Variants in CPQ observed in about 807,000 individuals in gnomAD.
CPQ encodes the protein carboxypeptidase Q.
A neutral mutation model predicts 45.7 loss-of-function variants in CPQ; 37 were observed. The ratio of observed to expected loss-of-function variants is 0.81; its 90% CI spans 0.62 to 1.07. The LOEUF is 1.07. Among genes scored for constraint, CPQ ranks in the 50% least tolerant of loss-of-function variants. CPQ has a pLI of 0.00. For synonymous variants in CPQ, 186 were observed against 205.8 expected, an observed-to-expected ratio of 0.90 and a Z score of 0.82; for missense variants, 537 against 572.9, an observed-to-expected ratio of 0.94 and a Z score of 0.64.
In CPQ at chr8:96,708,247, G is replaced by A. The variant is rs143772890; in HGVS notation, c.-35+62845G>A. ...GAGCACACCTTGATAATCCAAGATA[G>A]TCTCCTTATTTTAAAGTCAGCTGAC... On this transcript the variant is annotated intron_variant, in intron 1 of 7. Coordinates refer to ENST00000220763, the MANE Select transcript of CPQ (RefSeq NM_016134.4). Among the ~76,000 whole-genome samples the A allele has an allele frequency of 2.9e-3, 445 of 152,062 alleles. 4 individuals carry two copies. Among genetic ancestry groups the A allele is most frequent in the African/African-American group, 1.0e-2 (414 of 41,498 alleles).
At chr8:96,899,665 A>C (rs1484816879) in intron 4 of CPQ, among the ~76,000 whole-genome samples, 1 of 147,362 alleles carries the variant, frequency 6.8e-6, no homozygotes, top group African/African-American at 2.4e-5. Context: ...AAACTCACTC[A>C]CTATTGCAAA....
intron 1 of CPQ, among the ~76,000 whole-genome samples, chr8:96,673,451 C>A (rs1027777207): frequency 2.0e-5 from 3 of 152,052 alleles, no homozygotes; most frequent in Non-Finnish European, 4.4e-5. Flanking sequence ...GAAGACTAGG[C>A]CTGTGACCAG....
chr8:96,758,605 ATACATAATAGCC>A (rs1176215931), intron 1 of CPQ, among the ~76,000 whole-genome samples: 1 of 152,214 alleles, frequency 6.6e-6, no homozygotes, highest in Non-Finnish European at 1.5e-5. Flanking sequence ...AGGCCCTATC[ATACATAATAGCC>A]TGCTGCCTGC....
intron 2 of CPQ, among the ~76,000 whole-genome samples, chr8:96,821,017 A>G (rs1468500549): frequency 1.3e-5 from 2 of 150,118 alleles, no homozygotes; most frequent in Non-Finnish European, 3.0e-5. Flanking sequence ...TTTCATTTGC[A>G]TTTCTCTGAT....
Position 97,140,789 on chromosome 8 carries a change from G to T in CPQ, c.1256-2231G>T, listed in dbSNP as rs79730166. 8.1e-3 allele frequency among the ~76,000 whole-genome samples: 1,233 copies of T among 152,114 alleles called. 15 individuals carry two copies. The highest frequency in any genetic ancestry group is 0.028 in the African/African-American group (1,147 of 41,550). On this transcript the variant is annotated intron_variant, in intron 7 of 7. Transcript: ENST00000220763. ...GAAGGAAGAGAAAGTGAGGGAATTTGCCCTAACAGATATCAAGGATTCTAA... is the reference window on the plus strand; with the variant it reads ...GAAGGAAGAGAAAGTGAGGGAATTTTCCCTAACAGATATCAAGGATTCTAA...
intron 2 of CPQ, among the ~76,000 whole-genome samples, chr8:96,818,592 C>A (rs908818230): frequency 6.6e-6 from 1 of 152,022 alleles, no homozygotes; most frequent in Non-Finnish European, 1.5e-5. Context: ...TATTTGGGGA[C>A]CTGACTACCC....
chr8:97,098,110 TAG>T (rs1811240174), intron 7 of CPQ, among the ~76,000 whole-genome samples: 1 of 152,200 alleles, frequency 6.6e-6, no homozygotes, highest in Non-Finnish European at 1.5e-5. Flanking sequence ...GAGGGCCTCC[TAG>T]TAGATTGATG....
At chr8:96,687,733 T>C (rs1174268707) in intron 1 of CPQ, among the ~76,000 whole-genome samples, 1 of 152,180 alleles carries the variant, frequency 6.6e-6, no homozygotes, top group Non-Finnish European at 1.5e-5. Context: ...TGATTTTATA[T>C]TTGATGCAAA....
intron 1 of CPQ, among the ~76,000 whole-genome samples, chr8:96,757,090 C>T (rs1413812897): frequency 1.3e-5 from 2 of 151,944 alleles, no homozygotes; most frequent in Admixed American, 6.6e-5. Context: ...TGACTCATGG[C>T]GTAATACCAG....
chr8:96,911,574 A>G (rs1446397209), intron 4 of CPQ, among the ~76,000 whole-genome samples: 1 of 152,182 alleles, frequency 6.6e-6, no homozygotes, highest in Admixed American at 6.5e-5. Context: ...AGTTTTACTT[A>G]CATCCTGTTT....
chr8:96,736,051 AG>A (rs1193887134), intron 1 of CPQ, among the ~76,000 whole-genome samples: 4 of 151,882 alleles, frequency 2.6e-5, no homozygotes, highest in Non-Finnish European at 1.5e-5. Context: ...GACTCAACAC[AG>A]GGCTACAGGT....
At chr8:96,762,300 T>C (rs1356882382) in intron 1 of CPQ, among the ~76,000 whole-genome samples, 2 of 152,210 alleles carry the variant, frequency 1.3e-5, no homozygotes, top group Admixed American at 1.3e-4. Context: ...GATTTGGATG[T>C]CAAAACTGGG....
chr8:96,667,625 A>C (rs1313063540), intron 1 of CPQ, among the ~76,000 whole-genome samples: 2 of 152,106 alleles, frequency 1.3e-5, no homozygotes, highest in Non-Finnish European at 2.9e-5. Context: ...CTAGGATTAC[A>C]GGTGTGAGCC....
At chr8:96,671,327 T>A (rs1385993687) in intron 1 of CPQ, among the ~76,000 whole-genome samples, 1 of 152,224 alleles carries the variant, frequency 6.6e-6, no homozygotes, top group Non-Finnish European at 1.5e-5. Flanking sequence ...AGCGTGTGTG[T>A]GTGTAAAGCA....
intron 1 of CPQ, among the ~76,000 whole-genome samples, chr8:96,685,666 G>A (rs1217021701): frequency 2.6e-5 from 4 of 151,994 alleles, no homozygotes; most frequent in South Asian, 4.2e-4. Context: ...TGCTAATCCC[G>A]ATCATTTGTG....
At chr8:96,834,554 C>CAAAATAGTTATATAAAAAGATT (rs1268280686) in intron 2 of CPQ, among the ~76,000 whole-genome samples, 1 of 152,080 alleles carries the variant, frequency 6.6e-6, no homozygotes, top group African/African-American at 2.4e-5. Flanking sequence ...AGCAACATAT[C>CAAAATAGTTATATAAAAAGATT]AAAATAGTTA....
At position 96,799,944 on chromosome 8, in the gene CPQ, G is replaced by A. The variant is rs145074576; in HGVS notation, c.433+14614G>A. 7.2e-5 allele frequency among the ~76,000 whole-genome samples: 11 copies of A among 152,188 alleles called. No homozygotes were observed. The East Asian group carries it at 1.4e-3, about 19-fold the overall frequency. On this transcript the variant is annotated intron_variant, in intron 2 of 7. Transcript: ENST00000220763. ...CTCTTGACTGTTTCTGTAAGAATAAGCACACCTATCTCCTATGCACACAAA... is the reference window on the plus strand; with the variant it reads ...CTCTTGACTGTTTCTGTAAGAATAAACACACCTATCTCCTATGCACACAAA...
intron 5 of CPQ, among the ~76,000 whole-genome samples, chr8:96,982,499 C>T (rs538755898): frequency 1.1e-4 from 17 of 152,120 alleles, no homozygotes; most frequent in African/African-American, 3.1e-4. Flanking sequence ...CCACCATACC[C>T]GGCTAATTAT....
chr8:96,908,747 G>GCGCGCGCACACA (rs149476038), intron 4 of CPQ, among the ~76,000 whole-genome samples: 9 of 141,016 alleles, frequency 6.4e-5, no homozygotes, highest in African/African-American at 2.3e-4. Context: ...ATACACATGC[G>GCGCGCGCACACA]CACACACACA....
Sources: gnomAD v4.1 joint callset for allele counts (sites outside exome capture counted in the v4.1 genomes callset) on GRCh38, gnomAD v4.1.1 for gene constraint, MANE v1.5 for transcripts, NCBI Gene and HGNC (gene_info 2026-07-23, HGNC 2026-07-21) for gene names.